DSCAM: variants seen among roughly 807,000 people sequenced by gnomAD.
DSCAM encodes the protein DS cell adhesion molecule.
Under a neutral mutation model 217.7 loss-of-function variants are expected in DSCAM, and 47 were observed. That is an observed-to-expected ratio of 0.22 (90% CI 0.17 to 0.28). DSCAM has a LOEUF of 0.28. Among genes scored for constraint, DSCAM ranks in the 10% least tolerant of loss-of-function variants. The probability of loss-of-function intolerance (pLI) is 1.00; values close to 1 mark genes in which losing one functional copy is unlikely to be tolerated. For missense variants in DSCAM, 2,080 were observed against 2,618.3 expected, an observed-to-expected ratio of 0.79 and a Z score of 4.49; for synonymous variants, 1,056 against 1,015.3, an observed-to-expected ratio of 1.04 and a Z score of -0.76.
chr21:40,350,877 C>CTTTTTTTT lies in DSCAM; in HGVS notation c.934+2580_934+2587dup, dbSNP rs10658416. On this transcript the variant is annotated intron_variant, in intron 5 of 32. Transcript: ENST00000400454. ...AAAAGTGTTTAGCAAATAAGTCATA[C>CTTTTTTTT]TTTTTTTTTTTTTTTTTTTTTTTTT... is the stretch of plus-strand genomic sequence containing the variant. Among the ~76,000 whole-genome samples the CTTTTTTTT allele has an allele frequency of 1.6e-3, 103 of 63,878 alleles. 16 individuals carry two copies. The highest frequency in any genetic ancestry group is 5.8e-3 in the African/African-American group (90 of 15,416). 41.9% of individuals were successfully genotyped at this position (63,878 alleles called of 152,430 possible).
At chr21:40,386,767 AAAGTGGAAACAGTGACGTTTTTCT>A (rs1234540800) in intron 3 of DSCAM, among the ~76,000 whole-genome samples, 34 of 152,306 alleles carry the variant, frequency 2.2e-4, no homozygotes, top group African/African-American at 7.7e-4. Context: ...TCTCCACTTA[AAAGTGGAAACAGTGACGTTTTTCT>A]TGAACTCCAC....
At chr21:40,194,051 G>C (rs993867285) in intron 11 of DSCAM, among the ~76,000 whole-genome samples, 1 of 152,130 alleles carries the variant, frequency 6.6e-6, no homozygotes, top group Admixed American at 6.5e-5. Context: ...ATAATCACAA[G>C]TTTTATCGCA....
chr21:40,798,851 T>G (rs1187389119), intron 1 of DSCAM, among the ~76,000 whole-genome samples: 1 of 152,074 alleles, frequency 6.6e-6, no homozygotes, highest in Admixed American at 6.6e-5. Flanking sequence ...GCTCTTCAAT[T>G]AAAAATAAAA....
intron 9 of DSCAM, among the ~76,000 whole-genome samples, chr21:40,310,509 G>T (rs1010813956): frequency 6.6e-6 from 1 of 152,234 alleles, no homozygotes; most frequent in Non-Finnish European, 1.5e-5. Flanking sequence ...ATCACATGGA[G>T]ACATCAGTCA....
intron 20 of DSCAM, among the ~76,000 whole-genome samples, chr21:40,104,063 G>A (rs939792009): frequency 2.0e-5 from 3 of 152,066 alleles, no homozygotes; most frequent in Admixed American, 1.3e-4. Context: ...AATTAGCCCA[G>A]GTGGCATTAC....
At chr21:40,597,280 A>C (rs1219139170) in intron 3 of DSCAM, among the ~76,000 whole-genome samples, 4 of 152,180 alleles carry the variant, frequency 2.6e-5, no homozygotes, top group African/African-American at 9.7e-5. Flanking sequence ...AAAGAAAAAT[A>C]ATCTACTTTT....
At chr21:40,499,396 T>C (rs1438801715) in intron 3 of DSCAM, among the ~76,000 whole-genome samples, 2 of 152,110 alleles carry the variant, frequency 1.3e-5, no homozygotes, top group African/African-American at 4.8e-5. Flanking sequence ...ACATTCAGAT[T>C]AAAGCAAACA....
At chr21:40,661,602 CAG>C (rs1454742048) in intron 3 of DSCAM, among the ~76,000 whole-genome samples, 3 of 152,176 alleles carry the variant, frequency 2.0e-5, no homozygotes, top group African/African-American at 7.2e-5. Context: ...AGAAAACAAA[CAG>C]AATTTATTAG....
At chr21:40,772,225 A>G (rs2091451630) in intron 1 of DSCAM, among the ~76,000 whole-genome samples, 2 of 151,974 alleles carry the variant, frequency 1.3e-5, no homozygotes, top group Admixed American at 6.6e-5. Flanking sequence ...CTGGAGTGCA[A>G]TGGTGTGATC....
At chr21:40,561,728 T>A (rs1330605770) in intron 3 of DSCAM, among the ~76,000 whole-genome samples, 2 of 152,192 alleles carry the variant, frequency 1.3e-5, no homozygotes, top group Non-Finnish European at 2.9e-5. Flanking sequence ...CGACATGCTT[T>A]CATGAAACAA....
chr21:40,021,161 G>A (rs1222402458), intron 32 of DSCAM, among the ~76,000 whole-genome samples: 1 of 114,832 alleles, frequency 8.7e-6, no homozygotes, highest in East Asian at 2.7e-4. Flanking sequence ...CAGAAAGAAA[G>A]AAACGTAGCA....
chr21:40,553,178 C>T (rs1426265153), intron 3 of DSCAM, among the ~76,000 whole-genome samples: 1 of 152,206 alleles, frequency 6.6e-6, no homozygotes, highest in Admixed American at 6.5e-5. Flanking sequence ...AGAAACAGCA[C>T]AAGTCACATT....
At chr21:40,595,881 G>A (rs1391129546) in intron 3 of DSCAM, among the ~76,000 whole-genome samples, 1 of 152,210 alleles carries the variant, frequency 6.6e-6, no homozygotes, top group East Asian at 1.9e-4. Flanking sequence ...TGACCTGAAT[G>A]AGACGAAGTA....
At chr21:40,321,790 G>A (rs545545070) in intron 8 of DSCAM, among the ~76,000 whole-genome samples, 2 of 152,074 alleles carry the variant, frequency 1.3e-5, no homozygotes, top group East Asian at 1.9e-4. Flanking sequence ...GCAGACCTTC[G>A]CTTACTGGGA....
chr21:40,764,897 C>T lies in DSCAM; in HGVS notation c.44-56126G>A, dbSNP rs183469641. On this transcript the variant is annotated intron_variant, in intron 1 of 32. Coordinates refer to ENST00000400454, the MANE Select transcript of DSCAM (RefSeq NM_001389.5). ...TTCTCACTCACAAGTGGGAGTTGAA[C>T]AATGAGAACACAGGGGCACAGAGAG... Among the ~76,000 whole-genome samples the T allele has an allele frequency of 3.9e-4, 60 of 152,044 alleles. 1 individual carries two copies. Among genetic ancestry groups the T allele is most frequent in the Admixed American group, 8.5e-4 (13 of 15,282 alleles).
intron 3 of DSCAM, among the ~76,000 whole-genome samples, chr21:40,645,660 CCAATT>C: frequency 6.6e-6 from 1 of 152,202 alleles, no homozygotes; most frequent in South Asian, 2.1e-4. Context: ...AATGCACAAT[CCAATT>C]CTCTATCTGA....
chr21:40,358,360 A>C (rs2074718767), intron 4 of DSCAM, among the ~76,000 whole-genome samples: 1 of 152,216 alleles, frequency 6.6e-6, no homozygotes, highest in Non-Finnish European at 1.5e-5. Flanking sequence ...AAATTAACTC[A>C]AAATGGATTA....
Position 40,605,791 on chromosome 21 carries a change from C to CTTTTTTTTTT in DSCAM, c.508+87009_508+87018dup, listed in dbSNP as rs755767800. Among the ~76,000 whole-genome samples, 10 of 62,004 alleles carry CTTTTTTTTTT rather than the reference C, an allele frequency of 1.6e-4. 2 individuals carry two copies. Among genetic ancestry groups the CTTTTTTTTTT allele is most frequent in the African/African-American group, 4.4e-4 (7 of 15,820 alleles). The allele number at this position is 62,004 out of a possible 152,430, so 40.7% of individuals were successfully genotyped here. On this transcript the variant is annotated intron_variant, in intron 3 of 32. Coordinates refer to ENST00000400454, the MANE Select transcript of DSCAM (RefSeq NM_001389.5). ...CTTATATATGTGCTTAATGCACATT[C>CTTTTTTTTTT]TTTTTTTTTTTTTTTTTTTTTTTTT...
intron 10 of DSCAM, among the ~76,000 whole-genome samples, chr21:40,277,632 A>ATT (rs563319395): frequency 4.7e-4 from 65 of 137,202 alleles, no homozygotes; most frequent in East Asian, 3.5e-3. Flanking sequence ...GACAACCTGA[A>ATT]TTTTTTTTTT....
Sources: gnomAD v4.1 joint callset for allele counts (sites outside exome capture counted in the v4.1 genomes callset) on GRCh38, gnomAD v4.1.1 for gene constraint, MANE v1.5 for transcripts, NCBI Gene and HGNC (gene_info 2026-07-23, HGNC 2026-07-21) for gene names.